Variants in NIPAL1 observed in about 807,000 individuals in gnomAD.
NIPAL1 encodes the protein magnesium transporter NIPA3.
Under a neutral mutation model 37.7 loss-of-function variants are expected in NIPAL1, and 35 were observed. The ratio of observed to expected loss-of-function variants is 0.93; its 90% confidence interval spans 0.71 to 1.23. The LOEUF (loss-of-function observed/expected upper bound fraction) is 1.23. Among genes scored for constraint, NIPAL1 ranks in the 50% most tolerant of loss-of-function variants. The pLI is 0.00. For missense variants in NIPAL1, 412 were observed against 473.9 expected (o/e 0.87, Z 1.21); for synonymous variants, 162 against 183.0 (o/e 0.89, Z 0.93).
At chr4:48,023,630 G>T (rs2109366432) in intron 1 of NIPAL1, among the ~76,000 whole-genome samples, 1 of 152,266 alleles carries the variant, frequency 6.6e-6, no homozygotes, top group East Asian at 1.9e-4. Flanking sequence ...CACCTTGTTG[G>T]TGTCTTTTCA....
intron 4 of NIPAL1, among the ~76,000 whole-genome samples, chr4:48,033,902 G>A (rs1715871586): frequency 6.6e-6 from 1 of 152,128 alleles, no homozygotes; most frequent in Non-Finnish European, 1.5e-5. Flanking sequence ...TACACATAAA[G>A]CACTTCAAAC....
chr4:48,029,690 A>C (rs1715778827), intron 2 of NIPAL1, among the ~76,000 whole-genome samples: 1 of 152,202 alleles, frequency 6.6e-6, no homozygotes, highest in South Asian at 2.1e-4. Context: ...AAATTTGCAA[A>C]GTTTTTAAAA....
intron 1 of NIPAL1, among the ~76,000 whole-genome samples, chr4:48,019,405 G>A (rs1291409607): frequency 3.3e-5 from 5 of 152,184 alleles, no homozygotes; most frequent in Admixed American, 3.3e-4. Context: ...ATGTATGAAG[G>A]TTGTTATAAA....
At chr4:48,019,315 T>C (rs76695237) in intron 1 of NIPAL1, among the ~76,000 whole-genome samples, 2,418 of 152,332 alleles carry the variant, frequency 0.016, 63 homozygotes, top group African/African-American at 0.054. Context: ...CCACCCCACA[T>C]TGGTTTTGAC....
At chr4:48,031,883 C>T (rs1000606258) in intron 3 of NIPAL1, among the ~76,000 whole-genome samples, 12 of 152,014 alleles carry the variant, frequency 7.9e-5, no homozygotes, top group Non-Finnish European at 1.5e-4. Context: ...GGATTAAAAA[C>T]GCTTGCCACC....
chr4:48,030,305 G>A (rs1715792968), intron 3 of NIPAL1, 129 bp downstream of exon 3: 1 of 594,220 alleles, frequency 1.7e-6, no homozygotes, highest in African/African-American at 1.9e-5. Flanking sequence ...AAACATTTTT[G>A]TGTTAGTCAA....
rs184516179 is a variant in NIPAL1 at position 48,039,430 on chromosome 4, G to A, written c.*3258G>A. The A allele has an allele frequency of 6.6e-6, 1 of 152,066 alleles. No individual in the cohort carries two copies. Among genetic ancestry groups the A allele is most frequent in the Non-Finnish European group, 1.5e-5 (1 of 67,992 alleles). The allele number at this position is 152,066 out of a possible 1,614,324, so 9.4% of individuals were successfully genotyped here. ...TATATTCAGACTATTAGTCTTAACT[G>A]GTAGTTTATGTATATATTTTAATAC... is the stretch of plus-strand genomic sequence containing the variant. On this transcript the variant is annotated 3_prime_UTR_variant, in exon 6 of 6. Transcript: ENST00000295461.
Position 48,027,488 on chromosome 4 carries a change from G to C in NIPAL1, c.313+2154G>C, listed in dbSNP as rs1258280026. On this transcript the variant is annotated intron_variant, in intron 2 of 5. Coordinates refer to ENST00000295461, the MANE Select transcript of NIPAL1 (RefSeq NM_207330.3). This position sits in a 1 kb window ranked among gnomAD's most constrained non-coding sequence, Gnocchi z 4.1. ...CACTAGTACCCAAAGATACCAACTA[G>C]ACAATAGTCAGGTCCAGGGTTGTAA... is the stretch of plus-strand genomic sequence containing the variant. 1.3e-5 allele frequency among the ~76,000 whole-genome samples: 2 copies of C among 152,056 alleles called. No homozygotes were observed. The highest frequency in any genetic ancestry group is 2.9e-5 in the Non-Finnish European group (2 of 68,014).
chr4:48,025,947 A>C (rs975886255), intron 2 of NIPAL1, among the ~76,000 whole-genome samples: 1 of 152,004 alleles, frequency 6.6e-6, no homozygotes, highest in Non-Finnish European at 1.5e-5. Flanking sequence ...CCCTTCATTC[A>C]GCTCACTCAT....
At chr4:48,035,510 G>GTATA in intron 5 of NIPAL1, 52 bp from the exon 6 acceptor site, 1 of 1,535,516 alleles carries the variant, frequency 6.5e-7, no homozygotes, top group Non-Finnish European at 8.8e-7. Flanking sequence ...TTTCAGAAAG[G>GTATA]TATAATCCTG....
chr4:48,020,201 G>T (rs1369819414), intron 1 of NIPAL1, among the ~76,000 whole-genome samples: 2 of 152,108 alleles, frequency 1.3e-5, no homozygotes, highest in African/African-American at 4.8e-5. Flanking sequence ...GAGAGGGAGA[G>T]TAATGCAATA....
chr4:48,028,287 C>G (rs1715736609), intron 2 of NIPAL1, among the ~76,000 whole-genome samples: 1 of 152,120 alleles, frequency 6.6e-6, no homozygotes, highest in South Asian at 2.1e-4. Context: ...CTACAACCAA[C>G]TGATCTTTGA....
At position 48,039,997 on chromosome 4, in the gene NIPAL1, C is replaced by A. The variant is rs548492801; in HGVS notation, c.*3825C>A. Reference sequence around the variant, plus strand: ...AAACTGAACTAAATGCTATTTAGCCCCGCCAACAAAGCTTTGTGGAAAAAT... The same window carrying A: ...AAACTGAACTAAATGCTATTTAGCCACGCCAACAAAGCTTTGTGGAAAAAT... On this transcript the variant is annotated 3_prime_UTR_variant, in exon 6 of 6. Coordinates refer to ENST00000295461, the MANE Select transcript of NIPAL1 (RefSeq NM_207330.3). 7 of 152,138 alleles carry A rather than the reference C, an allele frequency of 4.6e-5. No individual in the cohort carries two copies. The South Asian group carries it at 1.5e-3, about 32-fold the overall frequency. The allele number at this position is 152,138 out of a possible 1,614,324, so 9.4% of individuals were successfully genotyped here.
At chr4:48,028,002 TCTGA>T (rs1715728697) in intron 2 of NIPAL1, among the ~76,000 whole-genome samples, 1 of 152,180 alleles carries the variant, frequency 6.6e-6, no homozygotes, top group Non-Finnish European at 1.5e-5. Context: ...TGTCCACACC[TCTGA>T]CTGACATAAA....
At chr4:48,033,579 T>C (rs1439881119) in intron 4 of NIPAL1, among the ~76,000 whole-genome samples, 1 of 152,212 alleles carries the variant, frequency 6.6e-6, no homozygotes, top group African/African-American at 2.4e-5. Flanking sequence ...TTTACAAGCA[T>C]GGTGTTTTGG....
chr4:48,021,742 G>A (rs532094614), intron 1 of NIPAL1, among the ~76,000 whole-genome samples: 2 of 152,098 alleles, frequency 1.3e-5, no homozygotes, highest in Non-Finnish European at 2.9e-5. Flanking sequence ...CACTTTCATA[G>A]GTGCAAAAAG....
At position 48,036,220 on chromosome 4, in the gene NIPAL1, G is replaced by T; in HGVS notation, c.*48G>T. 6.7e-7 allele frequency: 1 copy of T among 1,495,694 alleles called. No individual in the cohort carries two copies. The highest frequency in any genetic ancestry group is 2.2e-4 in the Middle Eastern group (1 of 4,480). The allele number at this position is 1,495,694 out of a possible 1,614,324, so 92.7% of individuals were successfully genotyped here. On this transcript the variant is annotated 3_prime_UTR_variant, in exon 6 of 6. Coordinates refer to ENST00000295461, the MANE Select transcript of NIPAL1 (RefSeq NM_207330.3). ...TAACCAATATGAGACACACGAAGAG[G>T]AAAATGAATGCTTGCTTCTTGGAAG...
At chr4:48,033,118 T>TA in intron 4 of NIPAL1, 35 bp downstream of exon 4, 1 of 1,301,838 alleles carries the variant, frequency 7.7e-7, no homozygotes, top group Non-Finnish European at 1.1e-6. Context: ...CTTCTGTAGG[T>TA]ATTTTAAGAC....
intron 1 of NIPAL1, among the ~76,000 whole-genome samples, chr4:48,021,435 C>T (rs916807020): frequency 2.0e-5 from 3 of 152,084 alleles, no homozygotes; most frequent in Non-Finnish European, 2.9e-5. Flanking sequence ...TACACCTGTA[C>T]ATAGAAGATA....
Sources: allele counts gnomAD v4.1 joint callset (sites outside exome capture counted in the v4.1 genomes callset), GRCh38; gene constraint gnomAD v4.1.1; non-coding constraint Gnocchi (gnomAD v3.1); transcripts MANE v1.5; gene names NCBI Gene and HGNC (gene_info 2026-07-23, HGNC 2026-07-21).